EMILIN2: variants seen among roughly 807,000 people sequenced by gnomAD.
EMILIN2 encodes the protein EMILIN-2.
Under a neutral mutation model 87.1 loss-of-function variants are expected in EMILIN2, and 71 were observed. That is an observed-to-expected ratio of 0.82 (90% CI 0.67 to 0.99). EMILIN2 has a LOEUF of 0.99. Among genes scored for constraint, EMILIN2 ranks in the 50% least tolerant of loss-of-function variants. EMILIN2 has a pLI of 0.00. For synonymous variants in EMILIN2, 581 were observed against 563.4 expected, an observed-to-expected ratio of 1.03 and a Z score of -0.44; for missense variants, 1,407 against 1,371.8, an observed-to-expected ratio of 1.03 and a Z score of -0.40.
At chr18:2,851,032 G>A (rs1052627013) in intron 2 of EMILIN2, among the ~76,000 whole-genome samples, 3 of 150,776 alleles carry the variant, frequency 2.0e-5, no homozygotes, top group Non-Finnish European at 2.9e-5. Flanking sequence ...TTGAGGGAGT[G>A]AGTCATGAAG....
At chr18:2,859,802 C>G (rs1428440564) in intron 2 of EMILIN2, among the ~76,000 whole-genome samples, 1 of 152,158 alleles carries the variant, frequency 6.6e-6, no homozygotes, top group Non-Finnish European at 1.5e-5. Flanking sequence ...TGCCAGTTAT[C>G]CCAGAACCAT....
chr18:2,906,677 C>A, intron 4 of EMILIN2, 106 bp from the exon 5 acceptor site: 1 of 951,948 alleles, frequency 1.1e-6, no homozygotes, highest in Non-Finnish European at 1.4e-6. Flanking sequence ...CCGCAGAGTC[C>A]TCACGGGGAC....
At position 2,889,196 on chromosome 18, in the gene EMILIN2, G is replaced by A. The variant is rs937992224; in HGVS notation, c.434-1365G>A. The stretch of plus-strand genomic sequence containing the variant: ...TCTGTTGCCCAGACTGGAGTACAGC[G>A]GCACTATGTCGGCTCACTGCAACCT... On this transcript the variant is annotated intron_variant, in intron 3 of 7. Coordinates refer to ENST00000254528, the MANE Select transcript of EMILIN2 (RefSeq NM_032048.3). Among the ~76,000 whole-genome samples, 5 of 139,188 alleles carry A rather than the reference G, an allele frequency of 3.6e-5. No homozygotes were observed. The East Asian group carries it at 6.3e-4, about 17-fold the overall frequency. 91.3% of individuals were successfully genotyped at this position (139,188 alleles called of 152,430 possible).
chr18:2,862,796 G>A (rs964159951), intron 2 of EMILIN2, among the ~76,000 whole-genome samples: 5 of 152,162 alleles, frequency 3.3e-5, no homozygotes, highest in Non-Finnish European at 7.3e-5. Context: ...AGAAGGAATG[G>A]TACCAGCTCC....
intron 2 of EMILIN2, among the ~76,000 whole-genome samples, chr18:2,884,372 G>A (rs1033843797): frequency 2.6e-4 from 40 of 152,052 alleles, no homozygotes; most frequent in Admixed American, 1.3e-3. Context: ...GTGCCTCAGC[G>A]GTAGCTGGGA....
chr18:2,858,761 G>A (rs1396998480), intron 2 of EMILIN2, among the ~76,000 whole-genome samples: 5 of 150,312 alleles, frequency 3.3e-5, no homozygotes, highest in Admixed American at 6.6e-5. Context: ...TCAGCCTCCC[G>A]AGTAGCTGGG....
intron 2 of EMILIN2, among the ~76,000 whole-genome samples, chr18:2,873,752 C>T (rs191283618): frequency 2.6e-5 from 4 of 152,100 alleles, no homozygotes; most frequent in East Asian, 1.9e-4. Context: ...TGGAAAAAAT[C>T]GTGAACAGAT....
Position 2,913,188 on chromosome 18 carries a change from C to G in EMILIN2, c.2946C>G (p.Thr982=). ...ACGCCAGCGTGGCCCAGCTGCATAC[C>G]GCTGGGTACAGGAGAGAGTTCCTGG... is the stretch of plus-strand genomic sequence containing the variant. ...VSNASVAQLH[T]AGYRREFLEY... is the part of the protein sequence containing the mutation. The change falls in exon 8 of 8, where the codon ACC becomes ACG. Residue 982 remains threonine, a synonymous_variant. Coordinates refer to ENST00000254528, the MANE Select transcript of EMILIN2 (RefSeq NM_032048.3). The G allele has an allele frequency of 6.2e-7, 1 of 1,613,990 alleles. No homozygotes were observed. Among genetic ancestry groups the G allele is most frequent in the South Asian group, 1.1e-5 (1 of 91,076 alleles).
At chr18:2,866,290 G>A (rs993360120) in intron 2 of EMILIN2, among the ~76,000 whole-genome samples, 13 of 152,340 alleles carry the variant, frequency 8.5e-5, no homozygotes, top group Non-Finnish European at 1.9e-4. Context: ...CGTCGCTCAC[G>A]CTGGGAGCTG....
At chr18:2,861,345 C>T (rs2076660091) in intron 2 of EMILIN2, among the ~76,000 whole-genome samples, 1 of 152,170 alleles carries the variant, frequency 6.6e-6, no homozygotes. Context: ...AGGTTTTCTT[C>T]TAGGGTTTTT....
rs1050981283 is a variant in EMILIN2, at chr18:2,908,832, G to T, written c.2663-111G>T. On this transcript the variant is annotated intron_variant, in intron 5 of 7. Coordinates refer to ENST00000254528, the MANE Select transcript of EMILIN2 (RefSeq NM_032048.3). ...CCCTTGTTCTATGTCTGTTTCTATA[G>T]TAGTGAAGACTCGATTTGAACTTGT... The T allele has an allele frequency of 2.4e-6, 3 of 1,256,048 alleles. No individual in the cohort carries two copies. In the African/African-American group the frequency reaches 4.4e-5, roughly 19 times the overall value. 77.8% of individuals were successfully genotyped at this position (1,256,048 alleles called of 1,614,324 possible). A position where few individuals can be genotyped will look rare whatever the true frequency, so the allele number is the denominator to read the frequency against.
chr18:2,884,834 A>T, intron 2 of EMILIN2, 130 bp from the exon 3 acceptor site: 4 of 940,514 alleles, frequency 4.3e-6, no homozygotes, highest in East Asian at 2.7e-5. Context: ...GGAGACCAAC[A>T]TCCCCTCTGG....
At chr18:2,889,428 A>G (rs1350060473) in intron 3 of EMILIN2, among the ~76,000 whole-genome samples, 4 of 151,870 alleles carry the variant, frequency 2.6e-5, no homozygotes, top group South Asian at 2.1e-4. Flanking sequence ...ATGAGCCATC[A>G]TGGCTGGATG....
chr18:2,888,189 A>C (rs2076812207), intron 3 of EMILIN2, among the ~76,000 whole-genome samples: 1 of 152,154 alleles, frequency 6.6e-6, no homozygotes, highest in Non-Finnish European at 1.5e-5. Context: ...CACTAGAATA[A>C]ATTTCTTGAA....
Position 2,885,165 on chromosome 18 carries a change from T to C in EMILIN2, c.433+26T>C, listed in dbSNP as rs370168078. The C allele has an allele frequency of 7.8e-4, 1,215 of 1,550,550 alleles. 2 individuals are homozygous for C. Among genetic ancestry groups the C allele is most frequent in the Non-Finnish European group, 1.0e-3 (1,158 of 1,149,286 alleles). ...GTAACTTCTTATTTGTGCTATTATG[T>C]ATGGCCACCTTTAATATTTCCGGTG... On this transcript the variant is annotated intron_variant, in intron 3 of 7. Transcript: ENST00000254528.
chr18:2,906,937 G>C lies in EMILIN2; in HGVS notation c.2514G>C (p.Pro838=), dbSNP rs1395491463. ...QRPPEERPPQ[P]PGSTGVIAET... is the part of the protein sequence containing the mutation. Reference sequence around the variant, plus strand: ...CCCCCGAGGAGAGGCCGCCCCAGCCGCCAGGCTCCACCGGGGTCATCGCGG... The same window carrying C: ...CCCCCGAGGAGAGGCCGCCCCAGCCCCCAGGCTCCACCGGGGTCATCGCGG... The change falls in exon 5 of 8, where the codon CCG becomes CCC. Residue 838 remains proline (P), a synonymous_variant. Transcript: ENST00000254528. The C allele has an allele frequency of 4.3e-6, 6 of 1,398,470 alleles. No homozygotes were observed. The African/African-American group carries it at 7.5e-5, about 17-fold the overall frequency. The allele number at this position is 1,398,470 out of a possible 1,614,324, so 86.6% of individuals were successfully genotyped here.
chr18:2,864,861 A>G (rs980232388), intron 2 of EMILIN2, among the ~76,000 whole-genome samples: 2 of 152,054 alleles, frequency 1.3e-5, no homozygotes, highest in African/African-American at 2.4e-5. Context: ...CACCAATCAG[A>G]CGTAGATTTG....
rs187652248 is a variant in EMILIN2 at position 2,897,194 on chromosome 18, G to A, written c.2359+4708G>A. ...ATAAAGGAGTTGGATTTTAAGTACC[G>A]TGAGAAACTATTGAAGGATTTTGAG... On this transcript the variant is annotated intron_variant, in intron 4 of 7. Transcript: ENST00000254528. 2.5e-3 allele frequency among the ~76,000 whole-genome samples: 384 copies of A among 152,270 alleles called. 3 individuals carry two copies. Among genetic ancestry groups the A allele is most frequent in the African/African-American group, 8.5e-3 (353 of 41,546 alleles).
At chr18:2,854,502 A>T (rs2076617510) in intron 2 of EMILIN2, among the ~76,000 whole-genome samples, 1 of 152,162 alleles carries the variant, frequency 6.6e-6, no homozygotes, top group African/African-American at 2.4e-5. Flanking sequence ...ACACACACAC[A>T]GAACATTTGG....
Sources: gnomAD v4.1 joint callset for allele counts (sites outside exome capture counted in the v4.1 genomes callset) on GRCh38, gnomAD v4.1.1 for gene constraint, MANE v1.5 for transcripts, NCBI Gene and HGNC (gene_info 2026-07-23, HGNC 2026-07-21) for gene names.